Variants in TSSK1B observed in about 807,000 individuals in gnomAD.
TSSK1B encodes testis specific serine kinase 1B.
Under a neutral mutation model 4.0 loss-of-function variants are expected in TSSK1B, and 2 were observed. That is an observed-to-expected ratio of 0.50 (90% CI 0.20 to 1.57). TSSK1B has a LOEUF of 1.57. Among genes scored for constraint, TSSK1B ranks in the 40% most tolerant of loss-of-function variants. The pLI, the probability that TSSK1B is intolerant of heterozygous loss-of-function variation, is 0.22. For synonymous variants in TSSK1B, 198 were observed against 200.7 expected (o/e 0.99, Z 0.11); for missense variants, 488 against 495.1 (o/e 0.99, Z 0.14).
Position 113,432,597 on chromosome 5 carries a change from T to C in TSSK1B, c.*1139A>G, listed in dbSNP as rs1770693185. The C allele has an allele frequency of 6.6e-6, 1 of 152,204 alleles. No individual in the cohort carries two copies. Among genetic ancestry groups the C allele is most frequent in the Non-Finnish European group, 1.5e-5 (1 of 68,048 alleles). The allele number at this position is 152,204 out of a possible 1,614,324, so 9.4% of individuals were successfully genotyped here. ...TTTTATAGATAAAGAAACTGAGACATATAGATTAACCAACTTGCCCAAGAT... is the reference window on the plus strand; with the variant it reads ...TTTTATAGATAAAGAAACTGAGACACATAGATTAACCAACTTGCCCAAGAT... On this transcript the variant is annotated 3_prime_UTR_variant, in exon 1 of 1. Transcript: ENST00000390666.
chr5:113,434,009 C>G lies in TSSK1B; in HGVS notation c.831G>C (p.Arg277=), dbSNP rs1011804855. Residue 277 remains arginine, a synonymous_variant, in exon 1 of 1, where the codon CGG becomes CGC. Coordinates refer to ENST00000390666, the MANE Select transcript of TSSK1B (RefSeq NM_032028.4). This position sits in a 1 kb window ranked among gnomAD's most constrained non-coding sequence, Gnocchi z 4.2. ...TGTTGATGGCCACAGAGGGAGATCC[C>G]CGTGCCTTGGGCTGCATCCAGCAGT... The part of the protein sequence containing the change: ...LSHCWMQPKA[R]GSPSVAINKE... 2 of 1,614,010 alleles carry G rather than the reference C, an allele frequency of 1.2e-6. No individual in the cohort carries two copies. Among genetic ancestry groups the G allele is most frequent in the South Asian group, 2.2e-5 (2 of 91,082 alleles).
rs1283105245 is a variant in TSSK1B, at chr5:113,434,705, G to A, written c.135C>T (p.Arg45=). ...CCAAGAAGTCTGCGGGGGCCTTCTT[G>A]CGGTCGATGATCTTGATCGCCACAT... The part of the protein sequence containing the change: ...KFNVAIKIID[R]KKAPADFLEK... Residue 45 remains arginine (R), a synonymous_variant, in exon 1 of 1, where the codon CGC becomes CGT. Transcript: ENST00000390666. This position sits in a 1 kb window ranked among gnomAD's most constrained non-coding sequence, Gnocchi z 4.2. 14 of 1,614,080 alleles carry A rather than the reference G, an allele frequency of 8.7e-6. No homozygotes were observed. Among genetic ancestry groups the A allele is most frequent in the Non-Finnish European group, 1.2e-5 (14 of 1,179,952 alleles).
Position 113,433,925 on chromosome 5 carries a change from G to C in TSSK1B, c.915C>G (p.Asp305Glu). The C allele has an allele frequency of 5.6e-6, 9 of 1,614,018 alleles. No individual in the cohort carries two copies. Among genetic ancestry groups the C allele is most frequent in the Non-Finnish European group, 7.6e-6 (9 of 1,179,888 alleles). Reference protein sequence around the residue: ...EPLWTPEPGSDKKSATKLEPE... With the variant: ...EPLWTPEPGSEKKSATKLEPE... ...GCTCCAGCTTGGTGGCAGACTTCTTGTCAGAGCCAGGTTCGGGGGTCCACA... is the reference window on the plus strand; with the variant it reads ...GCTCCAGCTTGGTGGCAGACTTCTTCTCAGAGCCAGGTTCGGGGGTCCACA... The change falls in exon 1 of 1, where the codon GAC becomes GAG. Residue 305 changes from aspartate to glutamate, a missense_variant. By Grantham distance (45) the Asp-to-Glu change is conservative. Transcript: ENST00000390666.
Position 113,432,637 on chromosome 5 carries a change from G to C in TSSK1B, c.*1099C>G, listed in dbSNP as rs1770695071. The C allele has an allele frequency of 6.6e-6, 1 of 152,170 alleles. No homozygotes were observed. Among genetic ancestry groups the C allele is most frequent in the Non-Finnish European group, 1.5e-5 (1 of 68,016 alleles). 9.4% of individuals were successfully genotyped at this position (152,170 alleles called of 1,614,324 possible). On this transcript the variant is annotated 3_prime_UTR_variant, in exon 1 of 1. Coordinates refer to ENST00000390666, the MANE Select transcript of TSSK1B (RefSeq NM_032028.4). ...TTGCCCAAGATCATTTAGTAGCAGA[G>C]TCAAATTCGGTCTATAGAAATCAAA...
chr5:113,432,843 A>T lies in TSSK1B; in HGVS notation c.*893T>A, dbSNP rs1203440263. ...TAAATTAGCTACAAAATCAATTACAAGGAGAATGATTAAATATAAAGAGTT... is the reference window on the plus strand; with the variant it reads ...TAAATTAGCTACAAAATCAATTACATGGAGAATGATTAAATATAAAGAGTT... On this transcript the variant is annotated 3_prime_UTR_variant, in exon 1 of 1. Transcript: ENST00000390666. 1 of 152,240 alleles carries T rather than the reference A, an allele frequency of 6.6e-6. No homozygotes were observed. Among genetic ancestry groups the T allele is most frequent in the Non-Finnish European group, 1.5e-5 (1 of 68,040 alleles). 9.4% of individuals were successfully genotyped at this position (152,240 alleles called of 1,614,324 possible).
In TSSK1B at chr5:113,434,602, C is replaced by G. The variant is rs761565170; in HGVS notation, c.238G>C (p.Glu80Gln). The G allele has an allele frequency of 6.8e-6, 11 of 1,613,740 alleles. No individual in the cohort carries two copies. The highest frequency in any genetic ancestry group is 9.3e-6 in the Non-Finnish European group (11 of 1,179,890). The stretch of plus-strand genomic sequence containing the variant: ...ATGTAGACCTTGCCATGTGATGTCT[C>G]AAAGATCTCGTAGGTCTTAATGATG... ...CSIIKTYEIF[E>Q]TSHGKVYIVM... is the part of the protein sequence containing the mutation. Residue 80 changes from glutamate to glutamine, a missense_variant, in exon 1 of 1, where the codon GAG (glutamate) becomes CAG (glutamine). Glu to Gln is a conservative substitution (Grantham distance 29). Transcript: ENST00000390666. The surrounding 1 kb of genome is among the most constrained non-coding windows in gnomAD (Gnocchi z 4.2).
chr5:113,434,018 G>T lies in TSSK1B; in HGVS notation c.822C>A (p.Pro274=). The part of the protein sequence containing the change: ...DEILSHCWMQ[P]KARGSPSVAI... ...CCACAGAGGGAGATCCCCGTGCCTTGGGCTGCATCCAGCAGTGGCTGAGGA... is the reference window on the plus strand; with the variant it reads ...CCACAGAGGGAGATCCCCGTGCCTTTGGCTGCATCCAGCAGTGGCTGAGGA... Residue 274 remains proline, a synonymous_variant, in exon 1 of 1, where the codon CCC becomes CCA. Transcript: ENST00000390666. The surrounding 1 kb of genome is among the most constrained non-coding windows in gnomAD (Gnocchi z 4.2). 3 of 1,614,016 alleles carry T rather than the reference G, an allele frequency of 1.9e-6. No homozygotes were observed. The highest frequency in any genetic ancestry group is 2.5e-6 in the Non-Finnish European group (3 of 1,179,884).
chr5:113,433,985 G>A lies in TSSK1B; in HGVS notation c.855C>T (p.Asn285=), dbSNP rs369078372. The A allele has an allele frequency of 4.0e-5, 65 of 1,613,904 alleles. No homozygotes were observed. The highest frequency in any genetic ancestry group is 5.4e-5 in the Non-Finnish European group (64 of 1,179,902). The change falls in exon 1 of 1, where the codon AAC becomes AAT. Residue 285 remains asparagine, a synonymous_variant. Coordinates refer to ENST00000390666, the MANE Select transcript of TSSK1B (RefSeq NM_032028.4). Reference sequence around the variant, plus strand: ...TTCCCCGGGAACTCTCCCCCTCCTTGTTGATGGCCACAGAGGGAGATCCCC... The same window carrying A: ...TTCCCCGGGAACTCTCCCCCTCCTTATTGATGGCCACAGAGGGAGATCCCC... ...KARGSPSVAI[N]KEGESSRGTE...
At position 113,433,817 on chromosome 5, in the gene TSSK1B, G is replaced by A. The variant is rs1020368221; in HGVS notation, c.1023C>T (p.Ile341=). 5 of 1,613,864 alleles carry A rather than the reference G, an allele frequency of 3.1e-6. No homozygotes were observed. Among genetic ancestry groups the A allele is most frequent in the Non-Finnish European group, 4.2e-6 (5 of 1,179,890 alleles). The part of the protein sequence containing the change: ...TAMQMSRQSE[I]LGFPSKPSTM... Reference sequence around the variant, plus strand: ...TCGACGGCTTGCTGGGGAAACCCAGGATCTCCGACTGCCTGGACATTTGCA... The same window carrying A: ...TCGACGGCTTGCTGGGGAAACCCAGAATCTCCGACTGCCTGGACATTTGCA... The change falls in exon 1 of 1, where the codon ATC becomes ATT. Residue 341 remains isoleucine (I), a synonymous_variant. Coordinates refer to ENST00000390666, the MANE Select transcript of TSSK1B (RefSeq NM_032028.4).
In TSSK1B at chr5:113,433,597, G is replaced by C; in HGVS notation, c.*139C>G. ...ACGGGAGAACCATGTGGGTTACCAA[G>C]TTCAAGGGGAGAGAGAAGAAGCTGA... is the stretch of plus-strand genomic sequence containing the variant. On this transcript the variant is annotated 3_prime_UTR_variant, in exon 1 of 1. Transcript: ENST00000390666. The C allele has an allele frequency of 8.7e-7, 1 of 1,146,108 alleles. No individual in the cohort carries two copies. The highest frequency in any genetic ancestry group is 1.2e-6 in the Non-Finnish European group (1 of 825,424). The allele number at this position is 1,146,108 out of a possible 1,614,324, so 71.0% of individuals were successfully genotyped here.
chr5:113,434,033 G>A lies in TSSK1B; in HGVS notation c.807C>T (p.His269=). ...RRLHIDEILS[H]CWMQPKARGS... ...CCCGTGCCTTGGGCTGCATCCAGCA[G>A]TGGCTGAGGATCTCGTCGATGTGGA... Residue 269 remains histidine (H), a synonymous_variant, in exon 1 of 1, where the codon CAC becomes CAT. Coordinates refer to ENST00000390666, the MANE Select transcript of TSSK1B (RefSeq NM_032028.4). This position sits in a 1 kb window ranked among gnomAD's most constrained non-coding sequence, Gnocchi z 4.2. 1 of 1,614,092 alleles carries A rather than the reference G, an allele frequency of 6.2e-7. No individual in the cohort carries two copies. The highest frequency in any genetic ancestry group is 8.5e-7 in the Non-Finnish European group (1 of 1,179,916).
Position 113,434,326 on chromosome 5 carries a change from T to A in TSSK1B, c.514A>T (p.Ser172Cys). Reference protein sequence around the residue: ...LRDDSGRMALSKTFCGSPAYA... With the variant: ...LRDDSGRMALCKTFCGSPAYA... ...GCTGGTGACCCACAGAAGGTCTTGC[T>A]TAATGCCATTCGACCACTGTCATCC... The change falls in exon 1 of 1, where the codon AGC (serine) becomes TGC (cysteine). Residue 172 changes from serine to cysteine, a missense_variant. Ser to Cys is a moderately radical substitution (Grantham distance 112). Transcript: ENST00000390666. This position sits in a 1 kb window ranked among gnomAD's most constrained non-coding sequence, Gnocchi z 4.2. 1.2e-6 allele frequency: 2 copies of A among 1,613,992 alleles called. No individual in the cohort carries two copies. The highest frequency in any genetic ancestry group is 1.7e-6 in the Non-Finnish European group (2 of 1,179,898).
rs1200123059 is a variant in TSSK1B, at chr5:113,434,788, A to C, written c.52T>G (p.Leu18Val). ...KRRGYLLGIN[L>V]GEGSYAKVKS... ...ACTTTTGCATAGGAGCCCTCTCCTAAATTTATCCCCAGGAGGTAGCCTCGT... is the reference window on the plus strand; with the variant it reads ...ACTTTTGCATAGGAGCCCTCTCCTACATTTATCCCCAGGAGGTAGCCTCGT... The change falls in exon 1 of 1, where the codon TTA (leucine) becomes GTA (valine). Residue 18 changes from leucine to valine, a missense_variant. Physicochemically the swap from Leu to Val is conservative, Grantham distance 32. Transcript: ENST00000390666. The surrounding 1 kb of genome is among the most constrained non-coding windows in gnomAD (Gnocchi z 4.2). 6.2e-7 allele frequency: 1 copy of C among 1,613,440 alleles called. No homozygotes were observed. Among genetic ancestry groups the C allele is most frequent in the South Asian group, 1.1e-5 (1 of 91,076 alleles).
Position 113,434,688 on chromosome 5 carries a change from TC to T in TSSK1B, c.151del (p.Asp51ThrfsTer17). 1 of 1,613,992 alleles carries T rather than the reference TC, an allele frequency of 6.2e-7. No homozygotes were observed. Among genetic ancestry groups the T allele is most frequent in the Non-Finnish European group, 8.5e-7 (1 of 1,179,912 alleles). ...KIIDRKKAPA[D>X]FLEKFLPREI... is the part of the protein sequence containing the mutation. ...CCGGGGAAGGAATTTCTCCAAGAAG[TC>T]TGCGGGGGCCTTCTTGCGGTCGATG... On this transcript the variant is annotated frameshift_variant, in exon 1 of 1. Transcript: ENST00000390666. LOFTEE classifies it high-confidence loss of function. This position sits in a 1 kb window ranked among gnomAD's most constrained non-coding sequence, Gnocchi z 4.2.
chr5:113,434,079 T>C lies in TSSK1B; in HGVS notation c.761A>G (p.Gln254Arg), dbSNP rs200978152. The C allele has an allele frequency of 6.2e-7, 1 of 1,614,068 alleles. No homozygotes were observed. The highest frequency in any genetic ancestry group is 1.3e-5 in the African/African-American group (1 of 74,946). ...GTGGAGCCGCCGGTTGACGTCGGGC[T>C]GCAGCATGTGGTAGATGAGGTCCTT... ...ECKDLIYHMLQPDVNRRLHID... is the reference protein window; with the variant it reads ...ECKDLIYHMLRPDVNRRLHID... The change falls in exon 1 of 1, where the codon CAG becomes CGG. Residue 254 changes from glutamine to arginine, a missense_variant. Physicochemically the swap from Gln to Arg is conservative, Grantham distance 43. Coordinates refer to ENST00000390666, the MANE Select transcript of TSSK1B (RefSeq NM_032028.4). The surrounding 1 kb of genome is among the most constrained non-coding windows in gnomAD (Gnocchi z 4.2).
Position 113,433,610 on chromosome 5 carries a change from GAGA to G in TSSK1B, c.*123_*125del, listed in dbSNP as rs372552948. The G allele has an allele frequency of 1.3e-4, 155 of 1,224,880 alleles. 7 individuals are homozygous for G. The highest frequency in any genetic ancestry group is 6.3e-4 in the African/African-American group (41 of 65,516). The allele number at this position is 1,224,880 out of a possible 1,614,324, so 75.9% of individuals were successfully genotyped here. On this transcript the variant is annotated 3_prime_UTR_variant, in exon 1 of 1. Transcript: ENST00000390666. ...GTGGGTTACCAAGTTCAAGGGGAGA[GAGA>G]AGAAGCTGATGAAAATAGAGGCTCA...
In TSSK1B at chr5:113,434,134, G is replaced by A. The variant is rs1199639514; in HGVS notation, c.706C>T (p.Pro236Ser). Residue 236 changes from proline (P) to serine (S), a missense_variant, in exon 1 of 1, where the codon CCA becomes TCA. Physicochemically the swap from Pro to Ser is moderately conservative, Grantham distance 74 (BLOSUM62 -1). Transcript: ENST00000390666. The surrounding 1 kb of genome is among the most constrained non-coding windows in gnomAD (Gnocchi z 4.2). ...TCGCCTGTCAGGTGCTTGGAGCGTGGGAAGTTGACGCGGTGCTCCTTCTGG... is the reference window on the plus strand; with the variant it reads ...TCGCCTGTCAGGTGCTTGGAGCGTGAGAAGTTGACGCGGTGCTCCTTCTGG... ...RIQKEHRVNF[P>S]RSKHLTGECK... The A allele has an allele frequency of 6.2e-7, 1 of 1,614,176 alleles. No individual in the cohort carries two copies. Among genetic ancestry groups the A allele is most frequent in the Non-Finnish European group, 8.5e-7 (1 of 1,180,020 alleles).
At position 113,433,604 on chromosome 5, in the gene TSSK1B, G is replaced by A. The variant is rs961113147; in HGVS notation, c.*132C>T. On this transcript the variant is annotated 3_prime_UTR_variant, in exon 1 of 1. Coordinates refer to ENST00000390666, the MANE Select transcript of TSSK1B (RefSeq NM_032028.4). ...AACCATGTGGGTTACCAAGTTCAAGGGGAGAGAGAAGAAGCTGATGAAAAT... is the reference window on the plus strand; with the variant it reads ...AACCATGTGGGTTACCAAGTTCAAGAGGAGAGAGAAGAAGCTGATGAAAAT... 9 of 1,181,902 alleles carry A rather than the reference G, an allele frequency of 7.6e-6. No homozygotes were observed. The Admixed American group carries it at 2.6e-4, about 34-fold the overall frequency. The allele number at this position is 1,181,902 out of a possible 1,614,324, so 73.2% of individuals were successfully genotyped here. A position where few individuals can be genotyped will look rare whatever the true frequency, so the allele number is the denominator to read the frequency against.
Position 113,433,701 on chromosome 5 carries a change from G to T in TSSK1B, c.*35C>A. 1 of 1,584,550 alleles carries T rather than the reference G, an allele frequency of 6.3e-7. No homozygotes were observed. Among genetic ancestry groups the T allele is most frequent in the Non-Finnish European group, 8.6e-7 (1 of 1,165,020 alleles). On this transcript the variant is annotated 3_prime_UTR_variant, in exon 1 of 1. Transcript: ENST00000390666. Reference sequence around the variant, plus strand: ...TTCTTCAGAGCTTGGGCTTTAAGCCGTGAGCTCCATCTCATTCCCTGGGCC... The same window carrying T: ...TTCTTCAGAGCTTGGGCTTTAAGCCTTGAGCTCCATCTCATTCCCTGGGCC...
Sources: allele counts gnomAD v4.1 joint callset, GRCh38; gene constraint gnomAD v4.1.1; non-coding constraint Gnocchi (gnomAD v3.1); transcripts MANE v1.5; gene names NCBI Gene and HGNC (gene_info 2026-07-23, HGNC 2026-07-21).